The following TRPM1 variants were observed in gnomAD, a reference collection of about 807,000 sequenced individuals.
The protein encoded by TRPM1 is TRPM1-203 APA Isoform, Intron 10.
A neutral mutation model predicts 149.4 loss-of-function variants in TRPM1; 113 were observed. That is an observed-to-expected ratio of 0.76 (90% confidence interval 0.65 to 0.88). The LOEUF is 0.88. TRPM1 is among the 40% of genes least tolerant of loss of function. TRPM1 has a pLI of 0.00. For missense variants in TRPM1, 1,976 were observed against 2,038.7 expected, an observed-to-expected ratio of 0.97 and a Z score of 0.59; for synonymous variants, 741 against 759.5, an observed-to-expected ratio of 0.98 and a Z score of 0.40.
intron 1 of TRPM1, among the ~76,000 whole-genome samples, chr15:31,113,832 T>G (rs1017062106): frequency 2.6e-5 from 4 of 152,144 alleles, no homozygotes; most frequent in Admixed American, 6.5e-5. Flanking sequence ...TGTGAAGATG[T>G]GAACAGCAAA....
At chr15:31,110,101 C>G (rs1180442052) in intron 1 of TRPM1, among the ~76,000 whole-genome samples, 2 of 152,172 alleles carry the variant, frequency 1.3e-5, no homozygotes, top group Admixed American at 1.3e-4. Context: ...TGGGCTTCCA[C>G]TTTGCATACT....
intron 27 of TRPM1, among the ~76,000 whole-genome samples, chr15:31,023,614 G>A (rs897761393): frequency 5.3e-5 from 8 of 152,354 alleles, no homozygotes; most frequent in South Asian, 2.1e-4. Context: ...ATGTATTCAC[G>A]AGGGGAAGTA....
At position 31,002,153 on chromosome 15, in the gene TRPM1, A is replaced by G. The variant is rs757184114; in HGVS notation, c.4547T>C (p.Val1516Ala). 10 of 1,614,134 alleles carry G rather than the reference A, an allele frequency of 6.2e-6. No homozygotes were observed. Among genetic ancestry groups the G allele is most frequent in the Non-Finnish European group, 8.5e-6 (10 of 1,180,066 alleles). ...DIPYIVSEAA[V>A]QAEHKEQFAD... Reference sequence around the variant, plus strand: ...AAACTGCTCTTTATGCTCAGCTTGCACTGCAGCTTCCGACACAATGTAAGG... The same window carrying G: ...AAACTGCTCTTTATGCTCAGCTTGCGCTGCAGCTTCCGACACAATGTAAGG... Residue 1516 changes from valine to alanine, a missense_variant, in exon 28 of 28, where the codon GTG becomes GCG. Physicochemically the swap from Val to Ala is moderately conservative, Grantham distance 64. This residue lies in a region of TRPM1 where 572 missense variants were observed against 578.9 expected (regional missense o/e 0.99). Coordinates refer to ENST00000256552, the MANE Select transcript of TRPM1 (RefSeq NM_001252024.2).
intron 10 of TRPM1, 69 bp downstream of exon 10, chr15:31,061,373 C>A: frequency 6.7e-7 from 1 of 1,488,210 alleles, no homozygotes; most frequent in Admixed American, 1.7e-5. Context: ...CCATGGGAGG[C>A]CGGGAGGGAA....
rs117580215 is a variant in TRPM1, at chr15:31,012,063, A to G, written c.3630-8993T>C. ...TTATTATCACAAGTTACAACTTTGT[A>G]CATTGTGTACCCATCAACATAGATT... On this transcript the variant is annotated intron_variant, in intron 27 of 27. Coordinates refer to ENST00000256552, the MANE Select transcript of TRPM1 (RefSeq NM_001252024.2). Among the ~76,000 whole-genome samples, 679 of 152,362 alleles carry G rather than the reference A, an allele frequency of 4.5e-3. 4 individuals are homozygous for G. The highest frequency in any genetic ancestry group is 6.7e-3 in the Non-Finnish European group (454 of 68,034).
chr15:31,032,765 A>C lies in TRPM1; in HGVS notation c.2876T>G (p.Phe959Cys), dbSNP rs761580674. 3.1e-6 allele frequency: 5 copies of C among 1,614,086 alleles called. No individual in the cohort carries two copies. The highest frequency in any genetic ancestry group is 1.7e-5 in the Admixed American group (1 of 60,010). The change falls in exon 22 of 28, where the codon TTC (phenylalanine) becomes TGC (cysteine). Residue 959 changes from phenylalanine (F) to cysteine (C), a missense_variant. By Grantham distance (205) the Phe-to-Cys change is radical (BLOSUM62 -2). Around this residue, in one of 3 missense-constraint regions of TRPM1, gnomAD observed 1,332 missense variants for 1,347.1 expected, o/e 0.99. Coordinates refer to ENST00000256552, the MANE Select transcript of TRPM1 (RefSeq NM_001252024.2). The part of the protein sequence containing the change: ...GRVIYCVDII[F>C]WYIRVLDIFG... ...GATGTCCAGGACACGGATGTACCAG[A>C]AGATGATATCCACACAGTAGATCAC...
intron 1 of TRPM1, among the ~76,000 whole-genome samples, chr15:31,113,212 G>T (rs922614579): frequency 6.6e-6 from 1 of 152,128 alleles, no homozygotes; most frequent in African/African-American, 2.4e-5. Context: ...GTAACTCACA[G>T]GAGTGAATCT....
chr15:31,068,783 G>C (rs936447641), intron 4 of TRPM1, among the ~76,000 whole-genome samples: 1 of 146,338 alleles, frequency 6.8e-6, no homozygotes, highest in South Asian at 2.2e-4. Context: ...GACTCAGAGA[G>C]CTTGTTCTCT....
At chr15:31,127,485 A>C (rs770211164) in intron 1 of TRPM1, among the ~76,000 whole-genome samples, 57 of 152,236 alleles carry the variant, frequency 3.7e-4, no homozygotes, top group Non-Finnish European at 6.8e-4. Context: ...CCACAAGAGA[A>C]AAATGTGGTG....
chr15:31,064,516 T>A (rs1020895644), intron 7 of TRPM1, among the ~76,000 whole-genome samples: 3 of 152,210 alleles, frequency 2.0e-5, no homozygotes. Flanking sequence ...TACTTCCTAA[T>A]TTTATGCCAC....
At chr15:31,005,342 T>A (rs1045320682) in intron 27 of TRPM1, among the ~76,000 whole-genome samples, 1 of 152,184 alleles carries the variant, frequency 6.6e-6, no homozygotes, top group Non-Finnish European at 1.5e-5. Context: ...TTACCTATTT[T>A]CCCCTTTATT....
In TRPM1 at chr15:31,026,167, C is replaced by T. The variant is rs753652733; in HGVS notation, c.3601G>A (p.Asp1201Asn). ...TCAGAAGTGACCCGGATGCGCTCGT[C>T]GCTGGACGACTGCTGCTCATCCTCC... is the stretch of plus-strand genomic sequence containing the variant. ...EKEDEQQSSS[D>N]ERIRVTSERV... is the part of the protein sequence containing the mutation. The change falls in exon 27 of 28, where the codon GAC becomes AAC. Residue 1201 changes from aspartate (D) to asparagine (N), a missense_variant. Asp to Asn is a conservative substitution (Grantham distance 23, BLOSUM62 1). Transcript: ENST00000256552. 3 of 1,612,170 alleles carry T rather than the reference C, an allele frequency of 1.9e-6. No individual in the cohort carries two copies. In the South Asian group the frequency reaches 3.3e-5, roughly 18 times the overall value.
upstream of TRPM1, chr15:31,101,874 C>T: frequency 4.0e-6 from 1 of 250,016 alleles, no homozygotes; most frequent in South Asian, 1.5e-4. Flanking sequence ...CCCCAAGCTT[C>T]CAGGCTGTTC....
Position 31,029,481 on chromosome 15 carries a change from T to C in TRPM1, c.3128-90A>G, listed in dbSNP as rs1181378263. The C allele has an allele frequency of 3.8e-6, 5 of 1,314,242 alleles. No individual in the cohort carries two copies. In the East Asian group the frequency reaches 1.2e-4, roughly 31 times the overall value. The allele number at this position is 1,314,242 out of a possible 1,614,324, so 81.4% of individuals were successfully genotyped here. A position where few individuals can be genotyped will look rare whatever the true frequency, so the allele number is the denominator to read the frequency against. ...AATAAGATGATGGTTGAGAGAAAAG[T>C]AAAACAAGTGGTTTAACAACATAAC... On this transcript the variant is annotated intron_variant, in intron 23 of 27. Coordinates refer to ENST00000256552, the MANE Select transcript of TRPM1 (RefSeq NM_001252024.2).
At chr15:31,104,551 A>G (rs2035571972), upstream of TRPM1, among the ~76,000 whole-genome samples, 1 of 148,540 alleles carries the variant, frequency 6.7e-6, no homozygotes, top group African/African-American at 2.5e-5. Context: ...GTCTAGGGCC[A>G]TGATATCCCT....
At chr15:31,125,263 AATAGTAAT>A (rs2035932805) in intron 1 of TRPM1, among the ~76,000 whole-genome samples, 1 of 152,220 alleles carries the variant, frequency 6.6e-6, no homozygotes, top group Non-Finnish European at 1.5e-5. Flanking sequence ...GGCTTCAGTT[AATAGTAAT>A]GTGTCAATAT....
chr15:31,042,213 T>A lies in TRPM1; in HGVS notation c.1825A>T (p.Lys609Ter). ...DDEPPAKGKK[K>*]KKKKKEEEID... ...TCTTCCTCCTTTTTCTTCTTTTTCT[T>A]TTTCTTCCCTTTAGCTGGAGGCTCA... Residue 609 changes from lysine to a stop codon, truncating the protein, a stop_gained, in exon 17 of 28, where the codon AAG becomes TAG. Coordinates refer to ENST00000256552, the MANE Select transcript of TRPM1 (RefSeq NM_001252024.2). LOFTEE classifies it high-confidence loss of function. 1 of 1,596,716 alleles carries A rather than the reference T, an allele frequency of 6.3e-7. No individual in the cohort carries two copies. The highest frequency in any genetic ancestry group is 1.1e-5 in the South Asian group (1 of 88,546).
At chr15:31,079,089 T>C (rs948810988) in intron 2 of TRPM1, among the ~76,000 whole-genome samples, 1 of 152,272 alleles carries the variant, frequency 6.6e-6, no homozygotes, top group East Asian at 1.9e-4. Flanking sequence ...AAGTTATCAG[T>C]GTGAACTCAT....
At chr15:31,160,177 G>A in intron 1 of TRPM1, among the ~76,000 whole-genome samples, 1 of 152,142 alleles carries the variant, frequency 6.6e-6, no homozygotes, top group East Asian at 1.9e-4. Flanking sequence ...TGAGGTGGTG[G>A]CCTGCCCAGT....
Sources: gnomAD v4.1 joint callset for allele counts (sites outside exome capture counted in the v4.1 genomes callset) on GRCh38, gnomAD v4.1.1 for gene constraint, gnomAD v4.1.1 regional missense constraint, MANE v1.5 for transcripts, NCBI Gene and HGNC (gene_info 2026-07-23, HGNC 2026-07-21) for gene names.